The following NTM variants were observed in gnomAD, a reference collection of about 807,000 sequenced individuals.
NTM encodes neurotrimin.
In NTM, 13 loss-of-function variants were observed where a neutral mutation model predicts 42.1. The ratio of observed to expected loss-of-function variants is 0.31; its 90% CI spans 0.20 to 0.49. NTM has a LOEUF of 0.49. Ranked by LOEUF, NTM falls within the 20% of genes least tolerant of loss-of-function variation. The pLI is 0.99. For synonymous variants in NTM, 187 were observed against 179.2 expected (o/e 1.04, Z -0.35); for missense variants, 373 against 452.8 (o/e 0.82, Z 1.60).
At chr11:131,459,943 A>T (rs978828852) in intron 1 of NTM, among the ~76,000 whole-genome samples, 47 of 152,258 alleles carry the variant, frequency 3.1e-4, no homozygotes, top group East Asian at 2.3e-3. Flanking sequence ...GTATTTTTTT[A>T]AAAAAATAAA....
chr11:132,161,187 G>A (rs928310220), intron 3 of NTM, among the ~76,000 whole-genome samples: 2 of 152,154 alleles, frequency 1.3e-5, no homozygotes, highest in Admixed American at 6.5e-5. Flanking sequence ...TACTATTTGT[G>A]CTCCTCCAGT....
intron 1 of NTM, among the ~76,000 whole-genome samples, chr11:131,851,543 G>T (rs867544572): frequency 4.0e-4 from 61 of 151,764 alleles, no homozygotes; most frequent in Middle Eastern, 6.8e-3. Flanking sequence ...GTGTGTGTGT[G>T]TGTGTGTGTG....
intron 1 of NTM, among the ~76,000 whole-genome samples, chr11:131,733,135 T>C (rs1305629561): frequency 1.3e-5 from 2 of 152,202 alleles, no homozygotes; most frequent in African/African-American, 2.4e-5. Flanking sequence ...TGTTAATGAT[T>C]ATTTTCGGAA....
chr11:131,412,292 A>G (rs1486841132), intron 1 of NTM, among the ~76,000 whole-genome samples: 1 of 152,188 alleles, frequency 6.6e-6, no homozygotes, highest in Non-Finnish European at 1.5e-5. Context: ...GAAATTTACC[A>G]GGATAGACCA....
intron 1 of NTM, among the ~76,000 whole-genome samples, chr11:131,643,859 G>A (rs2065443652): frequency 6.6e-6 from 1 of 152,176 alleles, no homozygotes; most frequent in Non-Finnish European, 1.5e-5. Context: ...AGAAGACTGA[G>A]AGGTCTCCAG....
At chr11:132,129,216 CTGTT>C (rs1056238250) in intron 2 of NTM, among the ~76,000 whole-genome samples, 1 of 152,132 alleles carries the variant, frequency 6.6e-6, no homozygotes, top group African/African-American at 2.4e-5. Flanking sequence ...GTATCCAAAA[CTGTT>C]TGCATTTCTG....
intron 1 of NTM, among the ~76,000 whole-genome samples, chr11:131,546,977 C>G (rs185482166): frequency 6.6e-6 from 1 of 152,138 alleles, no homozygotes; most frequent in African/African-American, 2.4e-5. Flanking sequence ...TCCATCATGC[C>G]TCTGAGTTAC....
Position 132,336,045 on chromosome 11 carries a change from C to T in NTM, c.*899C>T, listed in dbSNP as rs1463014783. 2.6e-5 allele frequency: 4 copies of T among 152,650 alleles called. No homozygotes were observed. The highest frequency in any genetic ancestry group is 5.9e-5 in the Non-Finnish European group (4 of 68,050). The allele number at this position is 152,650 out of a possible 1,614,324, so 9.5% of individuals were successfully genotyped here. ...AACATCTCCACCAGCGCTACGGACT[C>T]CTCCCAATTCTGACATCTCTTGCAG... On this transcript the variant is annotated 3_prime_UTR_variant, in exon 9 of 9. Coordinates refer to ENST00000683400, the MANE Select transcript of NTM (RefSeq NM_001352005.2).
intron 2 of NTM, among the ~76,000 whole-genome samples, chr11:132,051,777 G>T (rs570562644): frequency 6.6e-6 from 1 of 152,360 alleles, no homozygotes; most frequent in South Asian, 2.1e-4. Context: ...GATCCGGAAT[G>T]TGAGGAACAA....
chr11:132,154,629 A>G lies in NTM; in HGVS notation c.400+8115A>G, dbSNP rs1177343157. On this transcript the variant is annotated intron_variant, in intron 3 of 8. Transcript: ENST00000683400. ...GTGAGGATGCTGCCGAGGATGAATG[A>G]CAGCTGCAAGAAGCAGTCCCCAGCC... Among the ~76,000 whole-genome samples the G allele has an allele frequency of 9.9e-5, 15 of 152,166 alleles. No homozygotes were observed. In the East Asian group the frequency reaches 2.9e-3, roughly 29 times the overall value.
In NTM at chr11:132,188,520, T is replaced by C. The variant is rs369906959; in HGVS notation, c.401-23502T>C. 5.5e-4 allele frequency among the ~76,000 whole-genome samples: 83 copies of C among 152,266 alleles called. No homozygotes were observed. In the South Asian group the frequency reaches 0.011, roughly 19 times the overall value. On this transcript the variant is annotated intron_variant, in intron 3 of 8. Transcript: ENST00000683400. ...GCCTGCCTTAATGAACTTACGCCGGTCTCTAAACACTTTAGTCTAGGAATA... is the reference window on the plus strand; with the variant it reads ...GCCTGCCTTAATGAACTTACGCCGGCCTCTAAACACTTTAGTCTAGGAATA...
chr11:131,670,169 C>T (rs2069862700), intron 1 of NTM, among the ~76,000 whole-genome samples: 1 of 152,168 alleles, frequency 6.6e-6, no homozygotes, highest in Non-Finnish European at 1.5e-5. Context: ...CTGCCTCACT[C>T]CAAGATAACA....
At chr11:132,050,011 C>A (rs1469490160) in intron 2 of NTM, among the ~76,000 whole-genome samples, 1 of 152,124 alleles carries the variant, frequency 6.6e-6, no homozygotes, top group East Asian at 1.9e-4. Context: ...TTCCCACTGA[C>A]CTTTACTGAA....
intron 4 of NTM, among the ~76,000 whole-genome samples, chr11:132,294,449 TA>T (rs2094548816): frequency 6.6e-6 from 1 of 152,100 alleles, no homozygotes; most frequent in African/African-American, 2.4e-5. Context: ...AGAACTGAAA[TA>T]AAAAATAACT....
intron 1 of NTM, among the ~76,000 whole-genome samples, chr11:131,509,241 TGG>T (rs2047926742): frequency 6.6e-6 from 1 of 152,154 alleles, no homozygotes; most frequent in Non-Finnish European, 1.5e-5. Context: ...GTTGGGGCTT[TGG>T]GGTTGCTTAT....
intron 4 of NTM, among the ~76,000 whole-genome samples, chr11:132,223,516 G>T (rs2085579676): frequency 1.3e-5 from 2 of 152,140 alleles, no homozygotes; most frequent in Admixed American, 6.5e-5. Context: ...CACGCTCACA[G>T]AACATCAACA....
At chr11:132,317,076 G>C (rs755652513) in intron 7 of NTM, among the ~76,000 whole-genome samples, 1 of 152,132 alleles carries the variant, frequency 6.6e-6, no homozygotes, top group Non-Finnish European at 1.5e-5. Context: ...TGGTGCAAGA[G>C]ACCATAGTCG....
chr11:131,560,388 G>C (rs1484106802), intron 1 of NTM, among the ~76,000 whole-genome samples: 1 of 152,154 alleles, frequency 6.6e-6, no homozygotes, highest in African/African-American at 2.4e-5. Context: ...GTCGTAGCCA[G>C]AATATATGTT....
intron 3 of NTM, among the ~76,000 whole-genome samples, chr11:132,157,926 C>T (rs540407210): frequency 1.1e-4 from 17 of 152,268 alleles, no homozygotes; most frequent in Non-Finnish European, 1.9e-4. Flanking sequence ...TTTCTGAATT[C>T]GGAGGTTTAT....
Sources: allele counts gnomAD v4.1 joint callset (sites outside exome capture counted in the v4.1 genomes callset), GRCh38; gene constraint gnomAD v4.1.1; transcripts MANE v1.5; gene names NCBI Gene and HGNC (gene_info 2026-07-23, HGNC 2026-07-21).